The following STK38 variants were observed in gnomAD, a reference collection of about 807,000 sequenced individuals.
STK38 encodes serine/threonine kinase 38, also known as serine/threonine-protein kinase 38.
STK38 carries 26 observed loss-of-function variants against 59.0 expected under a neutral mutation model. The observed-to-expected ratio is 0.44, with a 90% CI of 0.32 to 0.61. STK38 has a LOEUF of 0.61. Ranked by LOEUF, STK38 falls within the 20% of genes least tolerant of loss-of-function variation. The pLI is 0.04. For missense variants in STK38, 433 were observed against 566.0 expected, an observed-to-expected ratio of 0.76 and a Z score of 2.38; for synonymous variants, 175 against 176.6, an observed-to-expected ratio of 0.99 and a Z score of 0.07.
At chr6:36,510,296 G>A (rs1461499541) in intron 7 of STK38, among the ~76,000 whole-genome samples, 3 of 152,226 alleles carry the variant, frequency 2.0e-5, no homozygotes, top group African/African-American at 7.2e-5. Context: ...GCTGCAGGGG[G>A]CTAGTGTGTC....
intron 1 of STK38, among the ~76,000 whole-genome samples, chr6:36,546,061 A>T (rs940007776): frequency 2.0e-5 from 3 of 152,224 alleles, no homozygotes; most frequent in African/African-American, 4.8e-5. Context: ...ATTGGAGCTA[A>T]GATTATTGCT....
chr6:36,517,935 G>C (rs1662071260), intron 5 of STK38, 95 bp from the exon 6 acceptor site: 1 of 1,395,168 alleles, frequency 7.2e-7, no homozygotes, highest in East Asian at 2.4e-5. Context: ...CTTAAATACT[G>C]TTTTGAGTAT....
At chr6:36,535,874 C>CAAA (rs35930267) in intron 2 of STK38, among the ~76,000 whole-genome samples, 1 of 75,406 alleles carries the variant, frequency 1.3e-5, no homozygotes, top group Non-Finnish European at 3.2e-5. Context: ...GACTCCGTCT[C>CAAA]AAAAAAAAAA....
intron 9 of STK38, among the ~76,000 whole-genome samples, chr6:36,502,774 T>C (rs981616691): frequency 1.3e-5 from 2 of 152,244 alleles, no homozygotes; most frequent in African/African-American, 2.4e-5. Context: ...TTTCGTGTTT[T>C]GTCACTCCTC....
At chr6:36,538,245 A>G (rs1777845572) in intron 2 of STK38, among the ~76,000 whole-genome samples, 2 of 151,922 alleles carry the variant, frequency 1.3e-5, no homozygotes, top group African/African-American at 4.8e-5. Context: ...CGGAGCTTAC[A>G]GTGAGCCGAG....
chr6:36,501,350 C>T lies in STK38; in HGVS notation c.835-1360G>A, dbSNP rs559406898. The stretch of plus-strand genomic sequence containing the variant: ...AATCAAAGCCTCCTAATGTACTTAA[C>T]ATTTGAGGGCTTCCATGTGTAAGGC... On this transcript the variant is annotated intron_variant, in intron 9 of 13. Coordinates refer to ENST00000229812, the MANE Select transcript of STK38 (RefSeq NM_007271.4). Among the ~76,000 whole-genome samples, 10 of 152,254 alleles carry T rather than the reference C, an allele frequency of 6.6e-5. No homozygotes were observed. The East Asian group carries it at 1.7e-3, about 26-fold the overall frequency.
At chr6:36,533,049 G>C (rs1033329470) in intron 2 of STK38, among the ~76,000 whole-genome samples, 1 of 139,150 alleles carries the variant, frequency 7.2e-6, no homozygotes, top group African/African-American at 2.8e-5. Flanking sequence ...CTGTGCAACA[G>C]AGTGAGACTC....
rs186714520 is a variant in STK38 at position 36,544,646 on chromosome 6, G to T, written c.-6+2544C>A. On this transcript the variant is annotated intron_variant, in intron 1 of 13. Transcript: ENST00000229812. ...CCCCTGTAATCTCAGCACTTTGGGAGGGAGAGGTAGGAGATTGCTTGAAAC... is the reference window on the plus strand; with the variant it reads ...CCCCTGTAATCTCAGCACTTTGGGATGGAGAGGTAGGAGATTGCTTGAAAC... 2.4e-3 allele frequency among the ~76,000 whole-genome samples: 369 copies of T among 152,264 alleles called. 1 individual carries two copies. The highest frequency in any genetic ancestry group is 6.8e-3 in the Middle Eastern group (2 of 294).
At chr6:36,526,525 G>T (rs899845809) in intron 2 of STK38, among the ~76,000 whole-genome samples, 8 of 150,778 alleles carry the variant, frequency 5.3e-5, no homozygotes, top group African/African-American at 2.0e-4. Flanking sequence ...TTTGGGAGGT[G>T]AGGCAGATGG....
intron 12 of STK38, among the ~76,000 whole-genome samples, chr6:36,497,535 C>T (rs1479115136): frequency 2.0e-5 from 3 of 152,168 alleles, no homozygotes; most frequent in Non-Finnish European, 4.4e-5. Context: ...GATGCTCCCT[C>T]CACCTCAAAA....
Position 36,495,781 on chromosome 6 carries a change from G to C in STK38, c.*3C>G. On this transcript the variant is annotated 3_prime_UTR_variant, in exon 14 of 14. Transcript: ENST00000229812. ...CTCCACATAGGATTCCGTGGCAAGA[G>C]TACTATTTTGCTGCTTTCATGTAGG... 6.2e-7 allele frequency: 1 copy of C among 1,613,830 alleles called. No homozygotes were observed. Among genetic ancestry groups the C allele is most frequent in the African/African-American group, 1.3e-5 (1 of 75,056 alleles).
intron 1 of STK38, 97 bp from the exon 2 acceptor site, chr6:36,540,304 GT>G: frequency 8.1e-7 from 1 of 1,235,098 alleles, no homozygotes; most frequent in Non-Finnish European, 1.1e-6. Flanking sequence ...ATTGGTGCAA[GT>G]TTTCTGGAGG....
At chr6:36,522,199 TG>T (rs1365816753) in intron 4 of STK38, 1 of 176,042 alleles carries the variant, frequency 5.7e-6, no homozygotes, top group Non-Finnish European at 1.2e-5. Flanking sequence ...TAGCTGTGCA[TG>T]GTGGTGTATA....
chr6:36,496,043 A>ATT (rs34301019), intron 13 of STK38, 129 bp from the exon 14 acceptor site: 2,893 of 615,106 alleles, frequency 4.7e-3, no homozygotes, highest in Middle Eastern at 8.8e-3. Flanking sequence ...CACTCTATGA[A>ATT]TTTTTTTTTT....
rs1776647243 is a variant in STK38, at chr6:36,494,292, G to C, written c.*1492C>G. 6.6e-6 allele frequency: 1 copy of C among 152,586 alleles called. No individual in the cohort carries two copies. Among genetic ancestry groups the C allele is most frequent in the East Asian group, 1.9e-4 (1 of 5,202 alleles). The allele number at this position is 152,586 out of a possible 1,614,324, so 9.5% of individuals were successfully genotyped here. ...TTTCTCTTCTGAATGGCTAAGCTAGGACATACTTTCCTTTCAAAGCTGATC... is the reference window on the plus strand; with the variant it reads ...TTTCTCTTCTGAATGGCTAAGCTAGCACATACTTTCCTTTCAAAGCTGATC... On this transcript the variant is annotated 3_prime_UTR_variant, in exon 14 of 14. Transcript: ENST00000229812.
chr6:36,521,846 C>A, intron 4 of STK38, 29 bp from the exon 5 acceptor site: 1 of 1,578,192 alleles, frequency 6.3e-7, no homozygotes, highest in South Asian at 1.1e-5. Context: ...AATGCCAAGT[C>A]AAAAACTCGT....
intron 2 of STK38, among the ~76,000 whole-genome samples, chr6:36,535,444 C>T (rs1313132486): frequency 6.6e-6 from 1 of 151,842 alleles, no homozygotes; most frequent in African/African-American, 2.4e-5. Context: ...AGCAAAACTC[C>T]GTCTCAAACA....
intron 12 of STK38, 46 bp from the exon 13 acceptor site, chr6:36,496,851 TG>T (rs769113477): frequency 7.2e-7 from 1 of 1,381,480 alleles, no homozygotes; most frequent in Non-Finnish European, 1.0e-6. Context: ...AGTAATCAAA[TG>T]GATCATACCA....
intron 5 of STK38, among the ~76,000 whole-genome samples, chr6:36,518,428 C>G (rs1274453420): frequency 1.3e-5 from 2 of 152,074 alleles, no homozygotes; most frequent in African/African-American, 4.8e-5. Flanking sequence ...TATAAAGGAC[C>G]AAGTTGTAGA....
Sources: allele counts gnomAD v4.1 joint callset (sites outside exome capture counted in the v4.1 genomes callset), GRCh38; gene constraint gnomAD v4.1.1; transcripts MANE v1.5; gene names NCBI Gene and HGNC (gene_info 2026-07-23, HGNC 2026-07-21).